The following CD1B variants were observed in gnomAD, a reference collection of about 807,000 sequenced individuals.
CD1B encodes the protein CD1b molecule.
A neutral mutation model predicts 39.8 loss-of-function variants in CD1B; 43 were observed. That is an observed-to-expected ratio of 1.08 (90% CI 0.85 to 1.39). CD1B has a LOEUF of 1.39. Ranked by LOEUF, CD1B falls within the 40% of genes most tolerant of loss-of-function variation. The pLI, the probability that CD1B is intolerant of heterozygous loss-of-function variation, is 0.00. For missense variants in CD1B, 495 were observed against 403.8 expected, an observed-to-expected ratio of 1.23 and a Z score of -1.94; for synonymous variants, 192 against 152.5, an observed-to-expected ratio of 1.26 and a Z score of -1.91.
rs772129316 is a variant in CD1B, at chr1:158,328,096, ATAAT to A, written c.*136_*139del. ...GTACTTTTTTGCTGATGTTTAAATAATAATTTATTTTAAAATACATGAAAACTCT... is the reference window on the plus strand; with the variant it reads ...GTACTTTTTTGCTGATGTTTAAATAATTATTTTAAAATACATGAAAACTCT... On this transcript the variant is annotated 3_prime_UTR_variant, in exon 6 of 6. Transcript: ENST00000368168. 7.6e-5 allele frequency: 53 copies of A among 697,158 alleles called. No homozygotes were observed. Among genetic ancestry groups the A allele is most frequent in the Non-Finnish European group, 1.3e-4 (52 of 408,420 alleles). The allele number at this position is 697,158 out of a possible 1,614,324, so 43.2% of individuals were successfully genotyped here.
downstream of CD1B, among the ~76,000 whole-genome samples, chr1:158,326,131 C>T (rs531995611): frequency 2.6e-5 from 4 of 152,154 alleles, no homozygotes; most frequent in South Asian, 4.1e-4. Context: ...CCATCATGCC[C>T]GGCTAATTTT....
chr1:158,313,014 T>C, the CD1B span, among the ~76,000 whole-genome samples: 5 of 152,214 alleles, frequency 3.3e-5, no homozygotes, highest in Non-Finnish European at 7.3e-5. Context: ...TGTGTTTAGG[T>C]ACGTTCCTTA....
the CD1B span, chr1:158,291,378 T>A: frequency 6.2e-7 from 1 of 1,614,088 alleles, no homozygotes; most frequent in Non-Finnish European, 8.5e-7. Flanking sequence ...TTCAAGACCA[T>A]GCAAGTCAAG....
At chr1:158,329,689 C>G (rs147082781) in intron 3 of CD1B, 41 bp from the exon 4 acceptor site, 5 of 1,601,520 alleles carry the variant, frequency 3.1e-6, no homozygotes, top group South Asian at 1.1e-5. Context: ...TGTTATAACT[C>G]GAGTTCAGAG....
At chr1:158,287,019 C>T in the CD1B span, among the ~76,000 whole-genome samples, 3 of 152,152 alleles carry the variant, frequency 2.0e-5, no homozygotes, top group Admixed American at 1.3e-4. Context: ...CTGGCTCTCA[C>T]AGGAACAGCT....
the CD1B span, among the ~76,000 whole-genome samples, chr1:158,312,235 T>C: frequency 6.6e-6 from 1 of 152,172 alleles, no homozygotes; most frequent in African/African-American, 2.4e-5. Flanking sequence ...AATTGAATCA[T>C]GGGGACAAGT....
At chr1:158,324,572 G>A (rs1049406577), downstream of CD1B, among the ~76,000 whole-genome samples, 7 of 152,144 alleles carry the variant, frequency 4.6e-5, no homozygotes, top group African/African-American at 1.7e-4. Flanking sequence ...TGAGACTGAT[G>A]AGTTAAACAC....
chr1:158,321,528 G>A, the CD1B span, among the ~76,000 whole-genome samples: 1 of 152,152 alleles, frequency 6.6e-6, no homozygotes. Flanking sequence ...AATAGGTAAG[G>A]AGGTACTACT....
chr1:158,322,513 A>G, the CD1B span, among the ~76,000 whole-genome samples: 31 of 147,028 alleles, frequency 2.1e-4, no homozygotes, highest in Admixed American at 1.8e-3. Flanking sequence ...TAGTCAATCC[A>G]CTTGCCTCAG....
downstream of CD1B, among the ~76,000 whole-genome samples, chr1:158,324,095 C>T (rs192789959): frequency 6.8e-4 from 104 of 152,318 alleles, 1 homozygote; most frequent in East Asian, 2.9e-3. Flanking sequence ...CAACATTTAA[C>T]GGACAGAAGA....
the CD1B span, chr1:158,293,146 C>G: frequency 8.0e-7 from 1 of 1,252,250 alleles, no homozygotes; most frequent in African/African-American, 1.5e-5. Context: ...GTAAGGAAAT[C>G]AATAGATGGA....
intron 3 of CD1B, 42 bp downstream of exon 3, chr1:158,329,810 C>G (rs1377883141): frequency 1.3e-6 from 2 of 1,588,488 alleles, no homozygotes; most frequent in Non-Finnish European, 1.7e-6. Context: ...TACTCTTGAT[C>G]TTAGAGGAGG....
At chr1:158,311,975 TG>T in the CD1B span, among the ~76,000 whole-genome samples, 3 of 152,202 alleles carry the variant, frequency 2.0e-5, no homozygotes, top group Admixed American at 2.0e-4. Context: ...CTTTGGCTTT[TG>T]GGGTCTTTGA....
At chr1:158,289,691 A>G in the CD1B span, 4 of 169,432 alleles carry the variant, frequency 2.4e-5, no homozygotes, top group Non-Finnish European at 5.1e-5. Flanking sequence ...GAACTGAAAA[A>G]ATGACATGGT....
the CD1B span, chr1:158,292,183 G>A: frequency 7.4e-6 from 12 of 1,614,188 alleles, no homozygotes; most frequent in Non-Finnish European, 1.0e-5. Context: ...GATTTACTGA[G>A]TTTCCAGAAT....
chr1:158,292,516 C>A, the CD1B span: 1 of 1,509,558 alleles, frequency 6.6e-7, no homozygotes, highest in Non-Finnish European at 9.0e-7. Context: ...GATAACTGTG[C>A]ATATTCATGT....
At chr1:158,303,541 G>A in the CD1B span, among the ~76,000 whole-genome samples, 1 of 152,098 alleles carries the variant, frequency 6.6e-6, no homozygotes, top group Admixed American at 6.5e-5. Flanking sequence ...TCTGTGCAAA[G>A]GGTTCTAAAT....
At chr1:158,328,346 T>C in intron 5 of CD1B, 89 bp from the exon 6 acceptor site, 1 of 1,071,706 alleles carries the variant, frequency 9.3e-7, no homozygotes, top group African/African-American at 1.6e-5. Flanking sequence ...TAGTTAAAAG[T>C]GAAAGCAACC....
chr1:158,314,116 G>T, the CD1B span, among the ~76,000 whole-genome samples: 1 of 151,976 alleles, frequency 6.6e-6, no homozygotes, highest in African/African-American at 2.4e-5. Context: ...ACAGAGTCTA[G>T]CTCCATTGCC....
Sources: allele counts gnomAD v4.1 joint callset (sites outside exome capture counted in the v4.1 genomes callset), GRCh38; gene constraint gnomAD v4.1.1; transcripts MANE v1.5; gene names NCBI Gene and HGNC (gene_info 2026-07-23, HGNC 2026-07-21).